Variants in PARN observed in about 807,000 individuals in gnomAD.
PARN encodes the protein poly(A)-specific ribonuclease PARN.
Under a neutral mutation model 102.8 loss-of-function variants are expected in PARN, and 71 were observed. That is an observed-to-expected ratio of 0.69 (90% CI 0.57 to 0.84). The LOEUF (loss-of-function observed/expected upper bound fraction) is 0.84. Among genes scored for constraint, PARN ranks in the 40% least tolerant of loss-of-function variants. The pLI is 0.00. For missense variants in PARN, 782 were observed against 760.9 expected, an observed-to-expected ratio of 1.03 and a Z score of -0.33; for synonymous variants, 261 against 252.9, an observed-to-expected ratio of 1.03 and a Z score of -0.30.
At chr16:14,609,620 G>A (rs1971396925) in intron 7 of PARN, among the ~76,000 whole-genome samples, 1 of 152,104 alleles carries the variant, frequency 6.6e-6, no homozygotes, top group Non-Finnish European at 1.5e-5. Flanking sequence ...GTATTTTGGG[G>A]GGAAGAGGGT....
chr16:14,567,784 T>C (rs959358051), intron 18 of PARN, among the ~76,000 whole-genome samples: 1 of 152,198 alleles, frequency 6.6e-6, no homozygotes, highest in African/African-American at 2.4e-5. Flanking sequence ...TCGACCCTAA[T>C]GCCTCACAAA....
chr16:14,565,072 C>G (rs1596685862), intron 18 of PARN: 3 of 152,258 alleles, frequency 2.0e-5, no homozygotes, highest in South Asian at 4.1e-4. Context: ...CAGGGCAGAG[C>G]AGTAAAAGCA....
chr16:14,463,984 C>T (rs958166360), intron 22 of PARN, among the ~76,000 whole-genome samples: 4 of 152,098 alleles, frequency 2.6e-5, no homozygotes, highest in African/African-American at 9.7e-5. Flanking sequence ...CTGGCATGTG[C>T]CACCACGTCC....
chr16:14,481,645 A>C (rs1469560047), intron 22 of PARN, among the ~76,000 whole-genome samples: 1 of 152,222 alleles, frequency 6.6e-6, no homozygotes, highest in Non-Finnish European at 1.5e-5. Context: ...CAATTTTTTT[A>C]ATCTCTAAAA....
Position 14,436,406 on chromosome 16 carries a change from TC to T in PARN, c.*310del. The T allele has an allele frequency of 2.5e-6, 1 of 405,966 alleles. No individual in the cohort carries two copies. Among genetic ancestry groups the T allele is most frequent in the Middle Eastern group, 6.7e-4 (1 of 1,492 alleles). The allele number at this position is 405,966 out of a possible 1,614,324, so 25.1% of individuals were successfully genotyped here. A position where few individuals can be genotyped will look rare whatever the true frequency, so the allele number is the denominator to read the frequency against. ...AGCCGACACTCCCCATCAGGCAGGTTCTTAAGCACACTGGGTCATGACAGGA... is the reference window on the plus strand; with the variant it reads ...AGCCGACACTCCCCATCAGGCAGGTTTTAAGCACACTGGGTCATGACAGGA... On this transcript the variant is annotated 3_prime_UTR_variant, in exon 24 of 24. Coordinates refer to ENST00000437198, the MANE Select transcript of PARN (RefSeq NM_002582.4).
At chr16:14,629,807 A>C (rs1471432975) in intron 1 of PARN, 133 bp from the exon 2 acceptor site, 2 of 723,960 alleles carry the variant, frequency 2.8e-6, no homozygotes, top group Admixed American at 2.3e-5. Context: ...CACCGGGGCG[A>C]GGGGAATCAA....
intron 22 of PARN, among the ~76,000 whole-genome samples, chr16:14,476,407 C>T (rs575396270): frequency 6.6e-6 from 1 of 152,276 alleles, no homozygotes; most frequent in African/African-American, 2.4e-5. Flanking sequence ...CAGTATAATT[C>T]CAGAGCAAGG....
At chr16:14,580,488 T>C (rs969252919) in intron 18 of PARN, among the ~76,000 whole-genome samples, 1 of 151,904 alleles carries the variant, frequency 6.6e-6, no homozygotes, top group African/African-American at 2.4e-5. Flanking sequence ...AGTTTCATCA[T>C]GTTGGCCAGG....
chr16:14,492,960 C>T (rs1436497466), intron 21 of PARN, among the ~76,000 whole-genome samples: 1 of 152,106 alleles, frequency 6.6e-6, no homozygotes, highest in Non-Finnish European at 1.5e-5. Flanking sequence ...GCCTGAGACA[C>T]AGTGGGTGCT....
At chr16:14,489,902 C>T (rs1344801315) in intron 21 of PARN, among the ~76,000 whole-genome samples, 3 of 152,244 alleles carry the variant, frequency 2.0e-5, no homozygotes, top group Non-Finnish European at 4.4e-5. Flanking sequence ...GACATGGTGG[C>T]TCATGCCTAT....
chr16:14,551,120 T>C (rs1239603231), intron 21 of PARN, among the ~76,000 whole-genome samples: 1 of 151,800 alleles, frequency 6.6e-6, no homozygotes, highest in Non-Finnish European at 1.5e-5. Context: ...TTAGTAGAGA[T>C]AGGGTTTCAC....
intron 21 of PARN, 102 bp from the exon 22 acceptor site, chr16:14,482,929 T>C: frequency 1.0e-6 from 1 of 965,472 alleles, no homozygotes; most frequent in Admixed American, 2.9e-5. Context: ...AGGAGCCCCA[T>C]CAGGCCTGAG....
intron 21 of PARN, among the ~76,000 whole-genome samples, chr16:14,531,739 A>G (rs1966341004): frequency 6.6e-6 from 1 of 151,828 alleles, no homozygotes; most frequent in Non-Finnish European, 1.5e-5. Context: ...GACAACAACC[A>G]TGCTTTCCAA....
chr16:14,628,566 T>C (rs1972821745), intron 2 of PARN, among the ~76,000 whole-genome samples: 1 of 152,272 alleles, frequency 6.6e-6, no homozygotes, highest in Non-Finnish European at 1.5e-5. Flanking sequence ...AAAAGATTCC[T>C]GTATAAACAG....
chr16:14,571,309 A>G (rs1968795401), intron 18 of PARN, among the ~76,000 whole-genome samples: 1 of 150,920 alleles, frequency 6.6e-6, no homozygotes, highest in South Asian at 2.1e-4. Flanking sequence ...GTGAGCCAAG[A>G]TTGCACCACT....
At position 14,617,698 on chromosome 16, in the gene PARN, G is replaced by A. The variant is rs750440154; in HGVS notation, c.328-48C>T. The A allele has an allele frequency of 5.5e-6, 6 of 1,099,308 alleles. No individual in the cohort carries two copies. In the Admixed American group the frequency reaches 6.8e-5, roughly 13 times the overall value. The allele number at this position is 1,099,308 out of a possible 1,614,324, so 68.1% of individuals were successfully genotyped here. On this transcript the variant is annotated intron_variant, in intron 5 of 23. Coordinates refer to ENST00000437198, the MANE Select transcript of PARN (RefSeq NM_002582.4). ...CATGTTTTGGGGATGTTAGCGGCAG[G>A]AATATAAAGAGATGCAGAGAAGTAA...
intron 21 of PARN, among the ~76,000 whole-genome samples, chr16:14,530,975 T>TCATCCATCCATCCATCCATC (rs56403427): frequency 6.6e-6 from 1 of 151,374 alleles, no homozygotes; most frequent in Non-Finnish European, 1.5e-5. Context: ...ATTCATTCAT[T>TCATCCATCCATCCATCCATC]CATCCATCCA....
chr16:14,502,833 C>T (rs1021869527), intron 21 of PARN, among the ~76,000 whole-genome samples: 1 of 152,312 alleles, frequency 6.6e-6, no homozygotes, highest in Middle Eastern at 3.4e-3. Flanking sequence ...CTTCTCTCTG[C>T]TTCCGAACAG....
chr16:14,461,743 T>C (rs1391803734), intron 22 of PARN, among the ~76,000 whole-genome samples: 2 of 152,222 alleles, frequency 1.3e-5, no homozygotes, highest in African/African-American at 4.8e-5. Context: ...TCCAACATTA[T>C]CACTTATTGG....
Sources: gnomAD v4.1 joint callset for allele counts (sites outside exome capture counted in the v4.1 genomes callset) on GRCh38, gnomAD v4.1.1 for gene constraint, MANE v1.5 for transcripts, NCBI Gene and HGNC (gene_info 2026-07-23, HGNC 2026-07-21) for gene names.